KDM6A: variants seen among roughly 807,000 people sequenced by gnomAD.
The protein encoded by KDM6A is lysine-specific demethylase 6A.
KDM6A carries 11 observed loss-of-function variants against 117.6 expected under a neutral mutation model. That is an observed-to-expected ratio of 0.09 (90% CI 0.06 to 0.15). The LOEUF (loss-of-function observed/expected upper bound fraction) is 0.15, where lower values mean the gene tolerates loss of function less well. Ranked by LOEUF, KDM6A falls within the 10% of genes least tolerant of loss-of-function variation. The probability of loss-of-function intolerance (pLI) is 1.00; values close to 1 mark genes in which losing one functional copy is unlikely to be tolerated. For missense variants in KDM6A, 799 were observed against 1,077.3 expected (o/e 0.74, Z 3.62); for synonymous variants, 384 against 396.1 (o/e 0.97, Z 0.36).
Position 44,873,692 on chromosome X carries a change from G to A in KDM6A, c.141G>A (p.Glu47=), listed in dbSNP as rs1236803571. The A allele has an allele frequency of 2.6e-6, 3 of 1,174,055 alleles. No homozygotes were observed. The East Asian group carries it at 9.5e-5, about 37-fold the overall frequency. The part of the protein sequence containing the change: ...ASPSLTAEER[E]ALGGLDSRLF... Reference sequence around the variant, plus strand: ...CCAGCCTGACAGCCGAGGAGAGGGAGGCGCTCGGCGGACTGGACAGGTACG... The same window carrying A: ...CCAGCCTGACAGCCGAGGAGAGGGAAGCGCTCGGCGGACTGGACAGGTACG... Residue 47 remains glutamate, a synonymous_variant, in exon 1 of 30, where the codon GAG becomes GAA. Coordinates refer to ENST00000611820, the MANE Select transcript of KDM6A (RefSeq NM_001291415.2).
intron 4 of KDM6A, among the ~76,000 whole-genome samples, chrX:44,981,821 C>G (rs2039927096): frequency 8.9e-6 from 1 of 111,811 alleles, no homozygotes; most frequent in Admixed American, 9.5e-5. Context: ...GTAGCTCACC[C>G]AGTAATAATC....
rs1046724045 is a variant in KDM6A at position 44,973,877 on chromosome X, T to G, written c.335-789T>G. On this transcript the variant is annotated intron_variant, in intron 3 of 29. Transcript: ENST00000611820. ...GAATTTAATTTTTTTTAGAGCATCC[T>G]GTTTGTTCTCCTGCACACACCCCCT... Among the ~76,000 whole-genome samples the G allele has an allele frequency of 3.6e-5, 4 of 111,296 alleles. No individual in the cohort carries two copies. The Admixed American group carries it at 3.8e-4, about 11-fold the overall frequency.
chrX:45,103,756 C>T lies in KDM6A; in HGVS notation c.4035-3654C>T, dbSNP rs748162877. On this transcript the variant is annotated intron_variant, in intron 27 of 29. Coordinates refer to ENST00000611820, the MANE Select transcript of KDM6A (RefSeq NM_001291415.2). ...TCAAATATGCCAAGCTCTCAATCAG[C>T]TTCTTCCTCATGGTTTTCTTCCATT... Among the ~76,000 whole-genome samples, 10 of 111,815 alleles carry T rather than the reference C, an allele frequency of 8.9e-5. No homozygotes were observed. In the South Asian group the frequency reaches 3.7e-3, roughly 42 times the overall value.
Position 44,932,813 on chromosome X carries a change from T to C in KDM6A, c.226-28471T>C, listed in dbSNP as rs1431363848. 4.5e-5 allele frequency among the ~76,000 whole-genome samples: 5 copies of C among 111,293 alleles called. No individual in the cohort carries two copies. The East Asian group carries it at 1.4e-3, about 31-fold the overall frequency. ...TGAGACTTATCGTGAAAAACAGCAG[T>C]TTTTCGTAGTCTCAGAGGTGCTACC... is the stretch of plus-strand genomic sequence containing the variant. On this transcript the variant is annotated intron_variant, in intron 2 of 29. Coordinates refer to ENST00000611820, the MANE Select transcript of KDM6A (RefSeq NM_001291415.2).
chrX:44,895,174 C>T (rs766837428), intron 2 of KDM6A, among the ~76,000 whole-genome samples: 2 of 108,487 alleles, frequency 1.8e-5, no homozygotes, highest in African/African-American at 6.7e-5. Context: ...GGCACGATCT[C>T]GGCTCATTGC....
chrX:45,019,316 C>T (rs1257009603), intron 5 of KDM6A, among the ~76,000 whole-genome samples: 2 of 111,564 alleles, frequency 1.8e-5, no homozygotes, highest in Non-Finnish European at 3.8e-5. Flanking sequence ...TACCCAGCTC[C>T]CCTTCAGAAG....
intron 8 of KDM6A, among the ~76,000 whole-genome samples, chrX:45,048,100 C>T (rs1451077053): frequency 2.2e-5 from 2 of 92,905 alleles, no homozygotes; most frequent in South Asian, 6.4e-4. Flanking sequence ...GCAGAGGTTG[C>T]GGTGAGCCAA....
chrX:45,062,570 G>T, intron 15 of KDM6A, 77 bp from the exon 16 acceptor site: 1 of 749,055 alleles, frequency 1.3e-6, no homozygotes, highest in South Asian at 2.2e-5. Flanking sequence ...AGTCATTTCA[G>T]GGAAAGGTTG....
chrX:45,001,148 T>A (rs1228342611), intron 4 of KDM6A, among the ~76,000 whole-genome samples: 1 of 111,484 alleles, frequency 9.0e-6, no homozygotes, highest in Non-Finnish European at 1.9e-5. Context: ...CAGTAGGGGA[T>A]CAAAGAAACT....
intron 2 of KDM6A, among the ~76,000 whole-genome samples, chrX:44,882,299 A>C (rs980619272): frequency 4.5e-5 from 5 of 111,911 alleles, no homozygotes; most frequent in African/African-American, 1.6e-4. Flanking sequence ...TGTTTCATCT[A>C]TATATATTTT....
intron 27 of KDM6A, chrX:45,106,492 T>C (rs1215070977): frequency 3.0e-6 from 1 of 335,441 alleles, no homozygotes; most frequent in Non-Finnish European, 6.0e-6. Context: ...AGATAAGACC[T>C]TTGCTTTCAA....
intron 27 of KDM6A, among the ~76,000 whole-genome samples, chrX:45,092,510 T>G (rs1472164522): frequency 1.8e-5 from 2 of 111,498 alleles, no homozygotes; most frequent in African/African-American, 6.5e-5. Flanking sequence ...GGTCCCAATT[T>G]CCTAAATATA....
intron 3 of KDM6A, among the ~76,000 whole-genome samples, chrX:44,963,742 C>T (rs2038859208): frequency 9.1e-6 from 1 of 110,077 alleles, no homozygotes; most frequent in Non-Finnish European, 1.9e-5. Context: ...GGTATTTAGA[C>T]CTCAAATGTT....
At chrX:44,929,977 C>T (rs185453803) in intron 2 of KDM6A, among the ~76,000 whole-genome samples, 9 of 111,015 alleles carry the variant, frequency 8.1e-5, no homozygotes, top group East Asian at 2.8e-4. Context: ...TTTCTGCTTC[C>T]GTCCCTCCAA....
intron 2 of KDM6A, among the ~76,000 whole-genome samples, chrX:44,931,439 C>G (rs2036621676): frequency 8.9e-6 from 1 of 111,790 alleles, no homozygotes; most frequent in Admixed American, 9.5e-5. Context: ...TCAAAACAGC[C>G]AAGAGATGGA....
rs567632833 is a variant in KDM6A at position 45,086,285 on chromosome X, C to T, written c.3704+306C>T. 6 of 238,137 alleles carry T rather than the reference C, an allele frequency of 2.5e-5. No homozygotes were observed. The South Asian group carries it at 3.2e-4, about 13-fold the overall frequency. 19.6% of individuals were successfully genotyped at this position (238,137 alleles called of 1,213,427 possible). A position where few individuals can be genotyped will look rare whatever the true frequency, so the allele number is the denominator to read the frequency against. ...TTATTCATTTGAAATGTGTGTATTCCAAGAAAAATTGTTTTGTTATAAATG... is the reference window on the plus strand; with the variant it reads ...TTATTCATTTGAAATGTGTGTATTCTAAGAAAAATTGTTTTGTTATAAATG... On this transcript the variant is annotated intron_variant, in intron 25 of 29. Transcript: ENST00000611820.
chrX:44,955,367 G>A (rs1372609329), intron 2 of KDM6A, among the ~76,000 whole-genome samples: 4 of 111,151 alleles, frequency 3.6e-5, no homozygotes, highest in African/African-American at 1.3e-4. Context: ...ACAGGAACCA[G>A]TTTGTCTTCA....
intron 27 of KDM6A, among the ~76,000 whole-genome samples, chrX:45,100,561 G>A (rs1054508288): frequency 1.8e-5 from 2 of 111,614 alleles, no homozygotes; most frequent in Non-Finnish European, 3.8e-5. Context: ...GGAAGTCTCA[G>A]ATTTAGGAGG....
intron 4 of KDM6A, among the ~76,000 whole-genome samples, chrX:44,991,694 T>C (rs1361631868): frequency 8.9e-6 from 1 of 111,862 alleles, no homozygotes; most frequent in Non-Finnish European, 1.9e-5. Context: ...GTTGTTGTTG[T>C]TGTTGTTTTG....
Sources: gnomAD v4.1 joint callset for allele counts (sites outside exome capture counted in the v4.1 genomes callset) on GRCh38, gnomAD v4.1.1 for gene constraint, MANE v1.5 for transcripts, NCBI Gene and HGNC (gene_info 2026-07-23, HGNC 2026-07-21) for gene names.